The following HLCS variants were observed in gnomAD, a reference collection of about 807,000 sequenced individuals.
HLCS encodes the protein biotin--protein ligase.
HLCS carries 53 observed loss-of-function variants against 75.0 expected under a neutral mutation model. The observed-to-expected ratio is 0.71, with a 90% CI of 0.57 to 0.89. The LOEUF (loss-of-function observed/expected upper bound fraction) is 0.89, where lower values mean the gene tolerates loss of function less well. HLCS is among the 40% of genes least tolerant of loss of function. HLCS has a pLI of 0.00. For missense variants in HLCS, 966 were observed against 1,074.0 expected (o/e 0.90, Z 1.41); for synonymous variants, 431 against 428.6 (o/e 1.01, Z -0.07).
chr21:36,824,376 T>G (rs2061943274), intron 6 of HLCS, among the ~76,000 whole-genome samples: 1 of 151,752 alleles, frequency 6.6e-6, no homozygotes, highest in African/African-American at 2.4e-5. Flanking sequence ...CACTCACAAG[T>G]AGGAGCTCAA....
At chr21:36,955,094 G>A (rs1054269754) in intron 2 of HLCS, among the ~76,000 whole-genome samples, 6 of 152,122 alleles carry the variant, frequency 3.9e-5, no homozygotes, top group African/African-American at 1.2e-4. Context: ...AACTGTAACA[G>A]CCTGAGGCAG....
chr21:36,891,223 C>T (rs1232763119), intron 6 of HLCS, among the ~76,000 whole-genome samples: 2 of 152,222 alleles, frequency 1.3e-5, no homozygotes, highest in Non-Finnish European at 2.9e-5. Flanking sequence ...ACACTGGGAT[C>T]ACCATCCTGG....
At chr21:36,919,418 C>T (rs1191826765) in intron 5 of HLCS, among the ~76,000 whole-genome samples, 1 of 152,064 alleles carries the variant, frequency 6.6e-6, no homozygotes, top group African/African-American at 2.4e-5. Flanking sequence ...GAGCAATGTC[C>T]GAGATATGGT....
intron 6 of HLCS, among the ~76,000 whole-genome samples, chr21:36,872,232 C>T (rs904667215): frequency 2.0e-5 from 3 of 152,016 alleles, no homozygotes; most frequent in African/African-American, 7.3e-5. Context: ...ACCATCCTGG[C>T]TAACATGGTG....
At chr21:36,761,944 G>A (rs554019347) in intron 8 of HLCS, among the ~76,000 whole-genome samples, 2 of 152,316 alleles carry the variant, frequency 1.3e-5, no homozygotes, top group South Asian at 2.1e-4. Flanking sequence ...GCTCCAGCTC[G>A]CCTTCATGGC....
chr21:36,905,497 C>T (rs548442666), intron 5 of HLCS, among the ~76,000 whole-genome samples: 2 of 152,212 alleles, frequency 1.3e-5, no homozygotes, highest in South Asian at 2.1e-4. Context: ...ATTTAATCTT[C>T]AAGAATTTAG....
intron 6 of HLCS, among the ~76,000 whole-genome samples, chr21:36,861,839 T>C (rs978326990): frequency 6.6e-6 from 1 of 152,220 alleles, no homozygotes; most frequent in African/African-American, 2.4e-5. Flanking sequence ...CTTGATACTT[T>C]CACAAAGTTG....
rs1171464110 is a variant in HLCS, at chr21:36,765,080, T to C, written c.2053A>G (p.Ile685Val). 1 of 1,614,000 alleles carries C rather than the reference T, an allele frequency of 6.2e-7. No individual in the cohort carries two copies. Among genetic ancestry groups the C allele is most frequent in the African/African-American group, 1.3e-5 (1 of 74,926 alleles). Residue 685 changes from isoleucine (I) to valine (V), a missense_variant, in exon 8 of 11, where the codon ATC (isoleucine) becomes GTC (valine). By Grantham distance (29) the Ile-to-Val change is conservative (BLOSUM62 3). Coordinates refer to ENST00000674895, the MANE Select transcript of HLCS (RefSeq NM_001352514.2). ...IPLRSQLGQR[I>V]PFVQHLMSVA... ...GACATCAGATGCTGGACAAACGGGA[T>C]CCTCTGTCCCAGCTGGGATCTCAGT... is the stretch of plus-strand genomic sequence containing the variant.
chr21:36,924,957 TA>T (rs1475821262), intron 5 of HLCS, among the ~76,000 whole-genome samples: 1 of 152,130 alleles, frequency 6.6e-6, no homozygotes, highest in Non-Finnish European at 1.5e-5. Context: ...TCATGCTGCA[TA>T]CCTTAAATAT....
At chr21:36,976,345 T>C (rs9978378) in intron 1 of HLCS, among the ~76,000 whole-genome samples, 26,407 of 152,132 alleles carry the variant, frequency 0.17, 2,367 homozygotes, top group East Asian at 0.34. Context: ...ACCCTTTCTG[T>C]ACAATAGCTG....
At chr21:36,864,625 T>TA (rs2063495425) in intron 6 of HLCS, among the ~76,000 whole-genome samples, 1 of 152,228 alleles carries the variant, frequency 6.6e-6, no homozygotes, top group African/African-American at 2.4e-5. Flanking sequence ...TTGATTCAGT[T>TA]ACAATTACCA....
chr21:36,856,049 C>A (rs2063180875), intron 6 of HLCS, among the ~76,000 whole-genome samples: 1 of 152,080 alleles, frequency 6.6e-6, no homozygotes, highest in African/African-American at 2.4e-5. Context: ...GATGGTGACA[C>A]CCAGGGCTGG....
chr21:36,750,158 T>C lies in HLCS; in HGVS notation c.*4088A>G, dbSNP rs2089322451. Among the ~76,000 whole-genome samples the C allele has an allele frequency of 6.6e-6, 1 of 152,226 alleles. No homozygotes were observed. Among genetic ancestry groups the C allele is most frequent in the African/African-American group, 2.4e-5 (1 of 41,466 alleles). On this transcript the variant is annotated 3_prime_UTR_variant, in exon 11 of 11. Coordinates refer to ENST00000674895, the MANE Select transcript of HLCS (RefSeq NM_001352514.2). ...CATTTAAGCTGGGGATAGCGTTTCT[T>C]GACTTCTGTGAGGCTCCGGCAGGGG... is the stretch of plus-strand genomic sequence containing the variant.
intron 6 of HLCS, among the ~76,000 whole-genome samples, chr21:36,775,396 A>G (rs2060326273): frequency 6.6e-6 from 1 of 152,232 alleles, no homozygotes; most frequent in Non-Finnish European, 1.5e-5. Context: ...ACACTTCACC[A>G]TAAATACTAG....
At chr21:36,811,581 T>C (rs2061511759) in intron 6 of HLCS, among the ~76,000 whole-genome samples, 1 of 152,210 alleles carries the variant, frequency 6.6e-6, no homozygotes, top group Non-Finnish European at 1.5e-5. Context: ...AGCTTCAGCT[T>C]GATACAGTGG....
chr21:36,939,063 A>C, intron 2 of HLCS, 69 bp from the exon 3 acceptor site: 1 of 1,415,886 alleles, frequency 7.1e-7, no homozygotes, highest in Non-Finnish European at 9.6e-7. Context: ...TAAAATAACC[A>C]CATACTTTAT....
In HLCS at chr21:36,765,244, G is replaced by A; in HGVS notation, c.1961-72C>T. The A allele has an allele frequency of 1.6e-5, 22 of 1,360,722 alleles. No individual in the cohort carries two copies. The South Asian group carries it at 2.6e-4, about 16-fold the overall frequency. 84.3% of individuals were successfully genotyped at this position (1,360,722 alleles called of 1,614,324 possible). On this transcript the variant is annotated intron_variant, in intron 7 of 10. Transcript: ENST00000674895. ...CAGACGCAGACACACGTCATGCCAG[G>A]GCCACACACTCAAATAAATCTGAAC...
chr21:36,965,543 T>C (rs2068521439), intron 1 of HLCS, among the ~76,000 whole-genome samples: 1 of 151,732 alleles, frequency 6.6e-6, no homozygotes, highest in Non-Finnish European at 1.5e-5. Flanking sequence ...TCCTAAGCAC[T>C]GGGTCAAAAA....
At chr21:36,887,885 C>T (rs985781721) in intron 6 of HLCS, among the ~76,000 whole-genome samples, 1 of 152,146 alleles carries the variant, frequency 6.6e-6, no homozygotes, top group East Asian at 1.9e-4. Context: ...ACCAATAACA[C>T]AATACAGGCA....
Sources: allele counts gnomAD v4.1 joint callset (sites outside exome capture counted in the v4.1 genomes callset), GRCh38; gene constraint gnomAD v4.1.1; transcripts MANE v1.5; gene names NCBI Gene and HGNC (gene_info 2026-07-23, HGNC 2026-07-21).